Variants in YTHDC2 observed in about 807,000 individuals in gnomAD.
YTHDC2 encodes YTH N6-methyladenosine RNA binding protein C2, also known as 3'-5' RNA helicase YTHDC2.
A neutral mutation model predicts 174.9 loss-of-function variants in YTHDC2; 45 were observed. That is an observed-to-expected ratio of 0.26 (90% CI 0.20 to 0.33). YTHDC2 has a LOEUF of 0.33. Among genes scored for constraint, YTHDC2 ranks in the 10% least tolerant of loss-of-function variants. The pLI is 1.00. For missense variants in YTHDC2, 1,650 were observed against 1,723.7 expected, an observed-to-expected ratio of 0.96 and a Z score of 0.76; for synonymous variants, 657 against 574.5, an observed-to-expected ratio of 1.14 and a Z score of -2.05.
At chr5:113,561,692 C>G (rs928707887) in intron 18 of YTHDC2, among the ~76,000 whole-genome samples, 2 of 152,022 alleles carry the variant, frequency 1.3e-5, no homozygotes, top group Middle Eastern at 3.2e-3. Flanking sequence ...TGGTCTCAAA[C>G]TCTTGACCTC....
rs1473156722 is a variant in YTHDC2 at position 113,580,838 on chromosome 5, T to A, written c.3355-579T>A. Among the ~76,000 whole-genome samples the A allele has an allele frequency of 2.2e-4, 33 of 152,226 alleles. 1 individual carries two copies. The highest frequency in any genetic ancestry group is 2.2e-3 in the Admixed American group (33 of 15,276). On this transcript the variant is annotated intron_variant, in intron 24 of 29. Transcript: ENST00000161863. ...TTACTGTAACATTAATCTTTCTTAA[T>A]TCTTTCTCTGTAGTCAGTCCTTCTT... is the stretch of plus-strand genomic sequence containing the variant.
intron 2 of YTHDC2, among the ~76,000 whole-genome samples, chr5:113,516,348 G>A (rs1004507741): frequency 6.6e-6 from 1 of 152,120 alleles, no homozygotes; most frequent in African/African-American, 2.4e-5. Context: ...GGAGGAAATT[G>A]TTTTGTTTTG....
chr5:113,579,348 T>C (rs542736350), intron 23 of YTHDC2, among the ~76,000 whole-genome samples: 20 of 152,274 alleles, frequency 1.3e-4, no homozygotes, highest in South Asian at 6.2e-4. Flanking sequence ...TTTATATTCT[T>C]GTCTTTTTTA....
intron 23 of YTHDC2, among the ~76,000 whole-genome samples, chr5:113,571,777 A>G (rs1227745954): frequency 1.3e-5 from 2 of 152,152 alleles, no homozygotes; most frequent in East Asian, 3.8e-4. Context: ...TGTTTATAGT[A>G]TCCTTTGATG....
In YTHDC2 at chr5:113,591,250, C is replaced by T. The variant is rs777034299; in HGVS notation, c.4029+6C>T. 6.2e-7 allele frequency: 1 copy of T among 1,613,484 alleles called. No individual in the cohort carries two copies. ...AAGGATCTGGACATTTCCAGGTGAG[C>T]CACCCTGAATCAGTAAAATGGGGTT... On this transcript the variant is annotated splice_donor_region_variant and intron_variant, in intron 27 of 29. Transcript: ENST00000161863.
In YTHDC2 at chr5:113,581,490, A is replaced by C. The variant is rs757968704; in HGVS notation, c.3428A>C (p.Lys1143Thr). The change falls in exon 25 of 30, where the codon AAA (lysine) becomes ACA (threonine). Residue 1143 changes from lysine (K) to threonine (T), a missense_variant. Physicochemically the swap from Lys to Thr is moderately conservative, Grantham distance 78. Coordinates refer to ENST00000161863, the MANE Select transcript of YTHDC2 (RefSeq NM_022828.5). ...LFLRRMRAPS[K>T]PWSQVDEATI... is the part of the protein sequence containing the mutation. ...TTACGCCGAATGAGAGCTCCATCTA[A>C]ACCTTGGTCTCAAGTTGATGAAGCT... 1.2e-6 allele frequency: 2 copies of C among 1,613,978 alleles called. No homozygotes were observed. The highest frequency in any genetic ancestry group is 8.5e-7 in the Non-Finnish European group (1 of 1,179,908).
At chr5:113,567,911 G>T (rs1187333932) in intron 23 of YTHDC2, 62 bp downstream of exon 23, 10 of 1,266,348 alleles carry the variant, frequency 7.9e-6, no homozygotes, top group African/African-American at 1.6e-5. Flanking sequence ...ACCAAATAAT[G>T]AAATTATTTT....
chr5:113,546,842 G>A (rs977888924), intron 10 of YTHDC2, among the ~76,000 whole-genome samples: 4 of 152,152 alleles, frequency 2.6e-5, no homozygotes, highest in African/African-American at 9.7e-5. Context: ...ATAGCTTTTG[G>A]CAGGAGTCCT....
chr5:113,543,456 A>G (rs952087810), intron 10 of YTHDC2, among the ~76,000 whole-genome samples: 2 of 151,998 alleles, frequency 1.3e-5, no homozygotes, highest in Non-Finnish European at 1.5e-5. Flanking sequence ...CACTTCCCCT[A>G]CTGTACATTT....
chr5:113,520,953 C>T (rs537120551), intron 2 of YTHDC2, among the ~76,000 whole-genome samples: 1 of 152,316 alleles, frequency 6.6e-6, no homozygotes, highest in Non-Finnish European at 1.5e-5. Context: ...CTGTTGTTCA[C>T]CTCTATGTGT....
chr5:113,537,361 CTTT>C lies in YTHDC2; in HGVS notation c.1102+1579_1102+1581del, dbSNP rs139190695. On this transcript the variant is annotated intron_variant, in intron 7 of 29. Transcript: ENST00000161863. ...GTATGTTTTATGGTTGGCTCTCTCT[CTTT>C]TTTTTTTTTTTTTTTGTGAAATGCT... 7.1e-3 allele frequency among the ~76,000 whole-genome samples: 889 copies of C among 124,462 alleles called. 5 individuals carry two copies. The highest frequency in any genetic ancestry group is 0.026 in the African/African-American group (825 of 31,754). 81.7% of individuals were successfully genotyped at this position (124,462 alleles called of 152,430 possible). A position where few individuals can be genotyped will look rare whatever the true frequency, so the allele number is the denominator to read the frequency against.
At chr5:113,516,843 C>T (rs1580462385) in intron 2 of YTHDC2, among the ~76,000 whole-genome samples, 1 of 152,262 alleles carries the variant, frequency 6.6e-6, no homozygotes, top group East Asian at 1.9e-4. Flanking sequence ...ATATGACTGC[C>T]TACTACAGTG....
intron 10 of YTHDC2, among the ~76,000 whole-genome samples, chr5:113,544,681 T>C (rs1018157951): frequency 7.0e-6 from 1 of 141,934 alleles, no homozygotes; most frequent in Non-Finnish European, 1.5e-5. Flanking sequence ...TTATTCTTTT[T>C]CTTTTAAATT....
chr5:113,520,589 G>GT (rs1238868898), intron 2 of YTHDC2, among the ~76,000 whole-genome samples: 1 of 151,704 alleles, frequency 6.6e-6, no homozygotes, highest in Non-Finnish European at 1.5e-5. Flanking sequence ...CTCTGGCCTG[G>GT]TATTTACCAC....
At chr5:113,530,228 C>T (rs951537675) in intron 4 of YTHDC2, among the ~76,000 whole-genome samples, 8 of 152,054 alleles carry the variant, frequency 5.3e-5, no homozygotes, top group Non-Finnish European at 1.2e-4. Flanking sequence ...TCAAATATAA[C>T]TTTTATTTAA....
intron 23 of YTHDC2, among the ~76,000 whole-genome samples, chr5:113,575,778 A>T (rs1335289383): frequency 6.6e-6 from 1 of 152,226 alleles, no homozygotes; most frequent in Admixed American, 6.5e-5. Context: ...GGCTAAGGGG[A>T]TGAATTACAG....
In YTHDC2 at chr5:113,553,636, G is replaced by C. The variant is rs369360135; in HGVS notation, c.1914G>C (p.Leu638=). The C allele has an allele frequency of 1.9e-6, 3 of 1,613,554 alleles. No homozygotes were observed. In the Admixed American group the frequency reaches 5.0e-5, roughly 27 times the overall value. ...FLPGYDEIVG[L]RDRILFDDKR... ...CTGGATATGACGAAATTGTTGGACT[G>C]AGAGATCGCATCCTGTTTGATGACA... The change falls in exon 14 of 30, where the codon CTG becomes CTC. Residue 638 remains leucine (L), a synonymous_variant. Transcript: ENST00000161863.
rs371938030 is a variant in YTHDC2 at position 113,581,590 on chromosome 5, C to T, written c.3528C>T (p.Gly1176=). The T allele has an allele frequency of 1.4e-4, 232 of 1,613,914 alleles. No individual in the cohort carries two copies. The highest frequency in any genetic ancestry group is 1.8e-4 in the Non-Finnish European group (215 of 1,179,948). The change falls in exon 25 of 30, where the codon GGC becomes GGT. Residue 1176 remains glycine, a synonymous_variant. Coordinates refer to ENST00000161863, the MANE Select transcript of YTHDC2 (RefSeq NM_022828.5). ...GTTTACAACAACCATCTGGGATTGG[C>T]CAAAGGCCAAGGCCTATGTCTTCAG... The part of the protein sequence containing the change: ...SAGLQQPSGI[G]QRPRPMSSEE...
intron 1 of YTHDC2, 160 bp downstream of exon 1, chr5:113,514,242 G>A (rs1170055692): frequency 1.1e-5 from 10 of 881,728 alleles, no homozygotes; most frequent in Non-Finnish European, 1.6e-5. Context: ...CCCGGGTCTG[G>A]AACGCGGCTG....
Sources: gnomAD v4.1 joint callset for allele counts (sites outside exome capture counted in the v4.1 genomes callset) on GRCh38, gnomAD v4.1.1 for gene constraint, MANE v1.5 for transcripts, NCBI Gene and HGNC (gene_info 2026-07-23, HGNC 2026-07-21) for gene names.